RICTOR: variants seen among roughly 807,000 people sequenced by gnomAD.
The protein encoded by RICTOR is rapamycin-insensitive companion of mTOR.
RICTOR carries 49 observed loss-of-function variants against 214.9 expected under a neutral mutation model. That is an observed-to-expected ratio of 0.23 (90% CI 0.18 to 0.29). RICTOR has a LOEUF of 0.29. RICTOR is among the 10% of genes least tolerant of loss of function. The pLI is 1.00. For synonymous variants in RICTOR, 717 were observed against 711.3 expected, an observed-to-expected ratio of 1.01 and a Z score of -0.13; for missense variants, 1,625 against 2,047.0, an observed-to-expected ratio of 0.79 and a Z score of 3.98.
At chr5:39,029,327 G>T (rs1189160797) in intron 2 of RICTOR, among the ~76,000 whole-genome samples, 1 of 151,462 alleles carries the variant, frequency 6.6e-6, no homozygotes, top group Non-Finnish European at 1.5e-5. Flanking sequence ...ACCACCAAGA[G>T]AAAACTAACA....
At position 39,074,175 on chromosome 5, in the gene RICTOR, C is replaced by G; in HGVS notation, c.50-17G>C. ...CATTCCGCCCTGCGCGAAACAGACACACAGCCCCAATTAGGATTGGCTCGC... is the reference window on the plus strand; with the variant it reads ...CATTCCGCCCTGCGCGAAACAGACAGACAGCCCCAATTAGGATTGGCTCGC... On this transcript the variant is annotated splice_polypyrimidine_tract_variant and intron_variant, in intron 1 of 37. Transcript: ENST00000357387. 1 of 1,591,296 alleles carries G rather than the reference C, an allele frequency of 6.3e-7. No homozygotes were observed. The highest frequency in any genetic ancestry group is 8.5e-7 in the Non-Finnish European group (1 of 1,170,146).
intron 1 of RICTOR, 84 bp downstream of exon 1, chr5:39,074,245 C>T: frequency 6.3e-7 from 1 of 1,581,062 alleles, no homozygotes; most frequent in Non-Finnish European, 8.6e-7. Context: ...CCCCGGCTCG[C>T]TCCCCAACCC....
chr5:39,068,493 G>C (rs1759065045), intron 2 of RICTOR, among the ~76,000 whole-genome samples: 1 of 152,200 alleles, frequency 6.6e-6, no homozygotes, highest in Non-Finnish European at 1.5e-5. Flanking sequence ...AAAAGGCCTT[G>C]AATGCCAAAC....
At chr5:39,005,076 C>T (rs1232685769) in intron 3 of RICTOR, among the ~76,000 whole-genome samples, 2 of 151,120 alleles carry the variant, frequency 1.3e-5, no homozygotes, top group East Asian at 1.9e-4. Flanking sequence ...CCACAGCGCC[C>T]GGCCTCTCAC....
chr5:39,062,162 G>A (rs2150207335), intron 2 of RICTOR, among the ~76,000 whole-genome samples: 1 of 152,040 alleles, frequency 6.6e-6, no homozygotes, highest in Non-Finnish European at 1.5e-5. Context: ...AAACAAGGTA[G>A]GAAATAGCTT....
Position 38,966,347 on chromosome 5 carries a change from C to T in RICTOR, c.1299+294G>A, listed in dbSNP as rs113445533. Reference sequence around the variant, plus strand: ...CTGAGATCAATTAAGATTTACAGGACGAAAATGTCAACTTTGAAAGTGAGT... The same window carrying T: ...CTGAGATCAATTAAGATTTACAGGATGAAAATGTCAACTTTGAAAGTGAGT... On this transcript the variant is annotated intron_variant, in intron 15 of 37. Transcript: ENST00000357387. Among the ~76,000 whole-genome samples the T allele has an allele frequency of 5.6e-3, 860 of 152,272 alleles. 8 individuals are homozygous for T. Among genetic ancestry groups the T allele is most frequent in the African/African-American group, 0.02 (821 of 41,554 alleles).
chr5:38,976,672 T>C (rs1311779258), intron 9 of RICTOR, among the ~76,000 whole-genome samples: 1 of 152,146 alleles, frequency 6.6e-6, no homozygotes, highest in Non-Finnish European at 1.5e-5. Flanking sequence ...ACTTGTAATA[T>C]TTTAAAAATC....
chr5:38,991,792 C>A (rs1420254608), intron 6 of RICTOR, among the ~76,000 whole-genome samples: 1 of 152,038 alleles, frequency 6.6e-6, no homozygotes, highest in Non-Finnish European at 1.5e-5. Context: ...TAACATATGT[C>A]TTTGATTTGG....
chr5:38,978,005 T>G (rs1417325117), intron 9 of RICTOR, among the ~76,000 whole-genome samples: 2 of 152,174 alleles, frequency 1.3e-5, no homozygotes, highest in African/African-American at 4.8e-5. Flanking sequence ...AAACACTAGA[T>G]AGCGTATTTA....
chr5:38,973,041 T>C (rs552829503), intron 10 of RICTOR, among the ~76,000 whole-genome samples: 2 of 152,170 alleles, frequency 1.3e-5, no homozygotes, highest in East Asian at 1.9e-4. Context: ...TCCACTAATA[T>C]TAAGTTTCAG....
chr5:39,011,303 T>C (rs910330829), intron 3 of RICTOR, among the ~76,000 whole-genome samples: 1 of 152,206 alleles, frequency 6.6e-6, no homozygotes, highest in Non-Finnish European at 1.5e-5. Flanking sequence ...GGAACCTCCA[T>C]CTAGATTTCA....
intron 7 of RICTOR, among the ~76,000 whole-genome samples, chr5:38,983,690 A>G (rs537795638): frequency 1.3e-5 from 2 of 152,302 alleles, no homozygotes; most frequent in African/African-American, 4.8e-5. Flanking sequence ...TTGGCCAGGC[A>G]CGGTGGCTCA....
At chr5:38,949,423 C>A in intron 31 of RICTOR, 1 of 1,590,268 alleles carries the variant, frequency 6.3e-7, no homozygotes. Flanking sequence ...TTTTTAAAAT[C>A]GATCCTTGCA....
rs576325819 is a variant in RICTOR at position 38,962,167 on chromosome 5, T to C, written c.1715+148A>G. On this transcript the variant is annotated intron_variant, in intron 19 of 37. Coordinates refer to ENST00000357387, the MANE Select transcript of RICTOR (RefSeq NM_152756.5). ...ATGTTTTGGTTATAAAATAAGACTA[T>C]ATTAAAAATATATATGAGTACCTAT... The C allele has an allele frequency of 2.3e-5, 6 of 256,382 alleles. No individual in the cohort carries two copies. In the East Asian group the frequency reaches 2.3e-4, roughly 10 times the overall value. The allele number at this position is 256,382 out of a possible 1,614,324, so 15.9% of individuals were successfully genotyped here.
intron 3 of RICTOR, among the ~76,000 whole-genome samples, chr5:39,020,470 A>C (rs559689860): frequency 7.9e-5 from 12 of 152,276 alleles, no homozygotes; most frequent in South Asian, 4.1e-4. Context: ...AACAAAAAAA[A>C]CCCCACAATT....
intron 7 of RICTOR, among the ~76,000 whole-genome samples, chr5:38,986,227 G>A (rs1239257): frequency 1.3e-5 from 2 of 151,824 alleles, no homozygotes; most frequent in Non-Finnish European, 2.9e-5. Flanking sequence ...CTTCCCCTTC[G>A]CTCTTTCTCC....
chr5:38,964,889 T>C lies in RICTOR; in HGVS notation c.1303A>G (p.Asn435Asp), dbSNP rs1235670183. Residue 435 changes from asparagine (N) to aspartate (D), a missense_variant, in exon 16 of 38, where the codon AAC becomes GAC. Around this residue, in one of 5 missense-constraint regions of RICTOR, gnomAD observed 1,214 missense variants for 1,470.5 expected, o/e 0.83. Coordinates refer to ENST00000357387, the MANE Select transcript of RICTOR (RefSeq NM_152756.5). ...ILLGELLHMA[N>D]TILPHSHSHH... is the part of the protein sequence containing the mutation. ...CTATGTGAATGAGGAAGAATTGTGT[T>C]TGCCTAAAATGAAGCATAACATTTT... The C allele has an allele frequency of 6.3e-7, 1 of 1,594,004 alleles. No homozygotes were observed. Among genetic ancestry groups the C allele is most frequent in the Non-Finnish European group, 8.6e-7 (1 of 1,164,852 alleles).
chr5:38,982,242 A>G (rs1269389128), intron 7 of RICTOR, among the ~76,000 whole-genome samples: 1 of 152,110 alleles, frequency 6.6e-6, no homozygotes, highest in East Asian at 1.9e-4. Context: ...ATATCTTTGG[A>G]TTGTCTTTTC....
In RICTOR at chr5:38,997,945, C is replaced by T. The variant is rs962032705; in HGVS notation, c.393-1063G>A. On this transcript the variant is annotated intron_variant, in intron 5 of 37. Transcript: ENST00000357387. ...TGAGCTAAAATCTGCATGCAGTGTT[C>T]TCTCCAAGACACTTGTCAACATCCA... Among the ~76,000 whole-genome samples the T allele has an allele frequency of 2.6e-5, 4 of 152,200 alleles. No homozygotes were observed. In the East Asian group the frequency reaches 5.8e-4, roughly 22 times the overall value.
Sources: gnomAD v4.1 joint callset for allele counts (sites outside exome capture counted in the v4.1 genomes callset) on GRCh38, gnomAD v4.1.1 for gene constraint, gnomAD v4.1.1 regional missense constraint, MANE v1.5 for transcripts, NCBI Gene and HGNC (gene_info 2026-07-23, HGNC 2026-07-21) for gene names.